Variants in GMPS observed in about 807,000 individuals in gnomAD.
The protein encoded by GMPS is guanosine monophosphate synthase, also known as GMP synthase [glutamine-hydrolyzing].
A neutral mutation model predicts 77.9 loss-of-function variants in GMPS; 15 were observed. The observed-to-expected ratio is 0.19, with a 90% CI of 0.13 to 0.30. GMPS has a LOEUF of 0.30. GMPS is among the 10% of genes least tolerant of loss of function. The probability of loss-of-function intolerance (pLI) is 1.00; values close to 1 mark genes in which losing one functional copy is unlikely to be tolerated. For missense variants in GMPS, 590 were observed against 838.8 expected (o/e 0.70, Z 3.66); for synonymous variants, 224 against 275.9 (o/e 0.81, Z 1.86).
intron 2 of GMPS, among the ~76,000 whole-genome samples, chr3:155,896,826 A>G (rs1451405638): frequency 6.8e-6 from 1 of 146,462 alleles, no homozygotes; most frequent in Non-Finnish European, 1.5e-5. Flanking sequence ...ATATTTTTAT[A>G]TGACAGGGAA....
At chr3:155,897,363 G>C (rs1403361387) in intron 2 of GMPS, among the ~76,000 whole-genome samples, 2 of 152,170 alleles carry the variant, frequency 1.3e-5, no homozygotes, top group South Asian at 2.1e-4. Flanking sequence ...CAGGGCATGT[G>C]GGGGCAGAAG....
rs779610129 is a variant in GMPS at position 155,926,714 on chromosome 3, G to A, written c.1560+1348G>A. On this transcript the variant is annotated intron_variant, in intron 12 of 15. Coordinates refer to ENST00000496455, the MANE Select transcript of GMPS (RefSeq NM_003875.3). ...GCTCTGAATTCATGCAGTTCTGCCT[G>A]TAAATAAAACAAGATAAAAATTGAT... is the stretch of plus-strand genomic sequence containing the variant. Among the ~76,000 whole-genome samples, 90 of 152,134 alleles carry A rather than the reference G, an allele frequency of 5.9e-4. 1 individual carries two copies. The highest frequency in any genetic ancestry group is 1.9e-4 in the Non-Finnish European group (13 of 68,034).
At position 155,923,409 on chromosome 3, in the gene GMPS, TAAAAGAC is replaced by T. The variant is rs1334646384; in HGVS notation, c.1434+1109_1434+1115del. Reference sequence around the variant, plus strand: ...AAATGTATTAATTCCTCCACACTGGTAAAAGACATGATGGCTCAGATTCAGGAAATGT... The same window carrying T: ...AAATGTATTAATTCCTCCACACTGGTATGATGGCTCAGATTCAGGAAATGT... On this transcript the variant is annotated intron_variant, in intron 11 of 15. Transcript: ENST00000496455. Among the ~76,000 whole-genome samples, 6 of 151,856 alleles carry T rather than the reference TAAAAGAC, an allele frequency of 4.0e-5. No individual in the cohort carries two copies. In the East Asian group the frequency reaches 1.2e-3, roughly 29 times the overall value.
intron 12 of GMPS, among the ~76,000 whole-genome samples, chr3:155,928,894 C>G (rs1456296827): frequency 6.6e-6 from 1 of 151,302 alleles, no homozygotes; most frequent in Non-Finnish European, 1.5e-5. Flanking sequence ...GCATAGTATT[C>G]CATGGTGTAT....
At chr3:155,931,697 AGCTTTGTCAAGTT>A in intron 12 of GMPS, 55 bp from the exon 13 acceptor site, 1 of 573,046 alleles carries the variant, frequency 1.7e-6, no homozygotes, top group South Asian at 2.2e-5. Context: ...AAAAAAAAAA[AGCTTTGTCAAGTT>A]AAACTGGTGT....
intron 1 of GMPS, among the ~76,000 whole-genome samples, chr3:155,872,377 C>A (rs764083943): frequency 1.8e-4 from 27 of 152,176 alleles, no homozygotes; most frequent in Admixed American, 3.3e-4. Flanking sequence ...AAATGTAAAC[C>A]CCATTGTCCA....
intron 6 of GMPS, 66 bp downstream of exon 6, chr3:155,910,951 G>T: frequency 8.4e-7 from 1 of 1,185,898 alleles, no homozygotes. Context: ...AGGAGTTAGA[G>T]TCCTCAACAC....
chr3:155,894,076 T>A (rs1220465345), intron 2 of GMPS, among the ~76,000 whole-genome samples: 1 of 152,200 alleles, frequency 6.6e-6, no homozygotes, highest in Non-Finnish European at 1.5e-5. Context: ...TGTTTTTGCT[T>A]CCTATCCCAA....
chr3:155,874,934 G>T (rs1219463816), intron 1 of GMPS, among the ~76,000 whole-genome samples: 4 of 123,038 alleles, frequency 3.3e-5, no homozygotes, highest in Non-Finnish European at 3.2e-5. Context: ...TTGAGACAGA[G>T]TCTGGCTCTG....
Position 155,910,717 on chromosome 3 carries a change from A to G in GMPS, c.552A>G (p.Leu184=). The G allele has an allele frequency of 6.3e-7, 1 of 1,584,302 alleles. No individual in the cohort carries two copies. The highest frequency in any genetic ancestry group is 8.6e-7 in the Non-Finnish European group (1 of 1,168,846). ...GCATAGCAAATGAATCTAAAAAGTT[A>G]TATGGAGCACAGTTCCACCCTGAAG... is the stretch of plus-strand genomic sequence containing the variant. ...VAGIANESKK[L]YGAQFHPEVG... The change falls in exon 6 of 16, where the codon TTA becomes TTG. Residue 184 remains leucine (L), a synonymous_variant. Transcript: ENST00000496455.
chr3:155,907,448 G>C (rs62286846), intron 5 of GMPS, among the ~76,000 whole-genome samples: 8,290 of 152,150 alleles, frequency 0.054, 317 homozygotes, highest in East Asian at 0.18. Context: ...AATTAGCCAG[G>C]TGTGGTGATG....
At chr3:155,932,277 A>AACACAC (rs10548751) in intron 13 of GMPS, among the ~76,000 whole-genome samples, 2,919 of 141,214 alleles carry the variant, frequency 0.021, 37 homozygotes, top group Middle Eastern at 0.05. Flanking sequence ...CAAATAAAGT[A>AACACAC]ACACACACAC....
intron 14 of GMPS, 125 bp downstream of exon 14, chr3:155,935,171 T>C: frequency 1.4e-6 from 1 of 716,186 alleles, no homozygotes; most frequent in Admixed American, 2.3e-5. Flanking sequence ...AATCTTTGAA[T>C]GTTCTATGAT....
At chr3:155,933,401 T>C (rs941220149) in intron 13 of GMPS, among the ~76,000 whole-genome samples, 1 of 152,192 alleles carries the variant, frequency 6.6e-6, no homozygotes, top group East Asian at 1.9e-4. Context: ...TACACTCTAG[T>C]GATTACTTTT....
Position 155,928,656 on chromosome 3 carries a change from A to G in GMPS, c.1561-3109A>G, listed in dbSNP as rs541841411. On this transcript the variant is annotated intron_variant, in intron 12 of 15. Coordinates refer to ENST00000496455, the MANE Select transcript of GMPS (RefSeq NM_003875.3). ...ACCCACTAACTCGTCATTTAGCATT[A>G]GGTATATCTCCCAATGCTATCCCTC... Among the ~76,000 whole-genome samples, 12 of 149,232 alleles carry G rather than the reference A, an allele frequency of 8.0e-5. 1 individual carries two copies. In the South Asian group the frequency reaches 2.6e-3, roughly 33 times the overall value.
In GMPS at chr3:155,920,577, AAAAAAAAAAAAAG is replaced by A. The variant is rs1473541085; in HGVS notation, c.1318+1257_1318+1269del. On this transcript the variant is annotated intron_variant, in intron 10 of 15. Transcript: ENST00000496455. ...GCAACAGAGCATGACTCCATCTTAA[AAAAAAAAAAAAAG>A]AAAAAAAAAAAAGAAAAGAATGATC... 6.4e-3 allele frequency among the ~76,000 whole-genome samples: 969 copies of A among 150,444 alleles called. 15 individuals are homozygous for A. The highest frequency in any genetic ancestry group is 0.022 in the African/African-American group (922 of 40,982).
At chr3:155,881,164 G>GTTTTT (rs11334499) in intron 1 of GMPS, among the ~76,000 whole-genome samples, 26 of 52,924 alleles carry the variant, frequency 4.9e-4, no homozygotes, top group Admixed American at 8.8e-4. Context: ...TTTGATATTA[G>GTTTTT]TTTTTTTTTT....
chr3:155,907,136 A>C (rs187790089), intron 5 of GMPS, among the ~76,000 whole-genome samples: 64 of 152,346 alleles, frequency 4.2e-4, no homozygotes, highest in African/African-American at 1.5e-3. Context: ...ATATGTTAGC[A>C]TAGGAATGCC....
intron 14 of GMPS, among the ~76,000 whole-genome samples, chr3:155,936,113 C>T (rs1755759571): frequency 6.6e-6 from 1 of 152,128 alleles, no homozygotes; most frequent in Non-Finnish European, 1.5e-5. Context: ...CTGTTTACAG[C>T]ACATCAGTGA....
Sources: allele counts gnomAD v4.1 joint callset (sites outside exome capture counted in the v4.1 genomes callset), GRCh38; gene constraint gnomAD v4.1.1; transcripts MANE v1.5; gene names NCBI Gene and HGNC (gene_info 2026-07-23, HGNC 2026-07-21).